The following AP4B1 variants were observed in gnomAD, a reference collection of about 807,000 sequenced individuals.
AP4B1 encodes adaptor related protein complex 4 subunit beta 1.
In AP4B1, 49 loss-of-function variants were observed where a neutral mutation model predicts 76.5. That is an observed-to-expected ratio of 0.64 (90% confidence interval 0.51 to 0.81). The LOEUF (loss-of-function observed/expected upper bound fraction) is 0.81. AP4B1 is among the 40% of genes least tolerant of loss of function. The probability of loss-of-function intolerance (pLI) is 0.00; values close to 1 mark genes in which losing one functional copy is unlikely to be tolerated. For missense variants in AP4B1, 911 were observed against 904.9 expected, an observed-to-expected ratio of 1.01 and a Z score of -0.09; for synonymous variants, 330 against 333.3, an observed-to-expected ratio of 0.99 and a Z score of 0.11.
chr1:113,897,174 C>T (rs1222849257), intron 7 of AP4B1: 1 of 150,618 alleles, frequency 6.6e-6, no homozygotes, highest in African/African-American at 2.5e-5. Context: ...TGTCTAGGTC[C>T]AACACCCCTG....
At chr1:113,901,695 C>A in intron 3 of AP4B1, 60 bp downstream of exon 3, 1 of 1,607,684 alleles carries the variant, frequency 6.2e-7, no homozygotes, top group Non-Finnish European at 8.5e-7. Flanking sequence ...GCCACACAAT[C>A]TTTTTTAAAG....
At chr1:113,898,148 G>A (rs771267687) in intron 6 of AP4B1, 92 of 492,530 alleles carry the variant, frequency 1.9e-4, no homozygotes, top group Non-Finnish European at 2.3e-4. Context: ...AGATTGACAT[G>A]AGGATAAATG....
intron 1 of AP4B1, among the ~76,000 whole-genome samples, chr1:113,903,702 T>C (rs1047933171): frequency 5.9e-5 from 9 of 152,152 alleles, no homozygotes; most frequent in South Asian, 2.1e-4. Flanking sequence ...ATGAGGTAAG[T>C]AGACATGAGC....
Position 113,900,609 on chromosome 1 carries a change from C to T in AP4B1, c.618-209G>A, listed in dbSNP as rs555728573. ...CCAAGATGAGTTGTTAATACAAATG[C>T]ACACTCCTCTAAGACCAAAGACATG... On this transcript the variant is annotated intron_variant, in intron 4 of 9. Coordinates refer to ENST00000369569, the MANE Select transcript of AP4B1 (RefSeq NM_001253852.3). 6.5e-6 allele frequency: 4 copies of T among 619,540 alleles called. No individual in the cohort carries two copies. The South Asian group carries it at 8.0e-5, about 12-fold the overall frequency. 38.4% of individuals were successfully genotyped at this position (619,540 alleles called of 1,614,324 possible).
chr1:113,897,313 G>A (rs1411962599), intron 7 of AP4B1: 2 of 168,838 alleles, frequency 1.2e-5, no homozygotes, highest in Non-Finnish European at 2.6e-5. Flanking sequence ...CAAGAGAAGC[G>A]GGGCACAGTG....
Position 113,894,959 on chromosome 1 carries a change from T to C in AP4B1, c.*106A>G, listed in dbSNP as rs373927491. The C allele has an allele frequency of 8.1e-7, 1 of 1,236,480 alleles. No individual in the cohort carries two copies. The highest frequency in any genetic ancestry group is 1.5e-5 in the African/African-American group (1 of 65,480). The allele number at this position is 1,236,480 out of a possible 1,614,324, so 76.6% of individuals were successfully genotyped here. On this transcript the variant is annotated 3_prime_UTR_variant, in exon 10 of 10. Transcript: ENST00000369569. ...GAATCCTGATTTCTAGATTTTCCAC[T>C]CTCCTTTGTATCTGATATTATCTGG...
Position 113,896,249 on chromosome 1 carries a change from A to G in AP4B1, c.1510+9T>C, listed in dbSNP as rs1446788358. ...CATGGCAAATACTATTTCCTTCTGA[A>G]AAACCCACCTATGCAGTAATACAAC... On this transcript the variant is annotated intron_variant, in intron 8 of 9. Transcript: ENST00000369569. The G allele has an allele frequency of 9.9e-6, 16 of 1,614,054 alleles. No homozygotes were observed. The highest frequency in any genetic ancestry group is 4.0e-5 in the African/African-American group (3 of 74,940).
Position 113,895,086 on chromosome 1 carries a change from T to C in AP4B1, c.2199A>G (p.Thr733=). 6.2e-7 allele frequency: 1 copy of C among 1,613,944 alleles called. No individual in the cohort carries two copies. Among genetic ancestry groups the C allele is most frequent in the East Asian group, 2.2e-5 (1 of 44,890 alleles). The part of the protein sequence containing the change: ...FISVLETVIG[T]IEEIKS ...TCTGTTATGATTTTATTTCTTCAATTGTTCCAATCACAGTTTCTAATACAG... is the reference window on the plus strand; with the variant it reads ...TCTGTTATGATTTTATTTCTTCAATCGTTCCAATCACAGTTTCTAATACAG... Residue 733 remains threonine, a synonymous_variant, in exon 10 of 10, where the codon ACA becomes ACG. Transcript: ENST00000369569.
At chr1:113,899,406 C>T (rs760082085) in intron 5 of AP4B1, 28 of 955,710 alleles carry the variant, frequency 2.9e-5, no homozygotes, top group Non-Finnish European at 3.6e-5. Flanking sequence ...CAATACATAG[C>T]CCATAGCAGA....
At chr1:113,896,217 T>C (rs767103833) in intron 8 of AP4B1, 41 bp downstream of exon 8, 2 of 1,611,440 alleles carry the variant, frequency 1.2e-6, no homozygotes, top group Non-Finnish European at 1.7e-6. Context: ...GAATTTTTAC[T>C]ATGGGTCATG....
At chr1:113,901,058 G>T (rs1668184316) in intron 4 of AP4B1, 178 bp downstream of exon 4, 2 of 856,644 alleles carry the variant, frequency 2.3e-6, no homozygotes, top group Non-Finnish European at 3.6e-6. Context: ...GGTAAGCCGA[G>T]ATAGCGCCAT....
chr1:113,897,096 T>C (rs1402826230), intron 7 of AP4B1: 1 of 142,308 alleles, frequency 7.0e-6, no homozygotes, highest in Non-Finnish European at 1.4e-5. Flanking sequence ...TGAGCTAAGA[T>C]GGCATTACTG....
At position 113,899,207 on chromosome 1, in the gene AP4B1, C is replaced by A. The variant is rs185641630; in HGVS notation, c.1115-406G>T. 7 of 1,032,586 alleles carry A rather than the reference C, an allele frequency of 6.8e-6. No homozygotes were observed. The African/African-American group carries it at 1.2e-4, about 18-fold the overall frequency. The allele number at this position is 1,032,586 out of a possible 1,614,324, so 64.0% of individuals were successfully genotyped here. A position where few individuals can be genotyped will look rare whatever the true frequency, so the allele number is the denominator to read the frequency against. ...TCTCCTCTTTGCTCCCTCTTCTCTG[C>A]CCCTAAAATAACCATGCTTTATTCC... On this transcript the variant is annotated intron_variant, in intron 5 of 9. Coordinates refer to ENST00000369569, the MANE Select transcript of AP4B1 (RefSeq NM_001253852.3).
chr1:113,896,199 G>T (rs763410038), intron 8 of AP4B1, 59 bp downstream of exon 8: 3 of 1,605,442 alleles, frequency 1.9e-6, no homozygotes, highest in Admixed American at 1.7e-5. Context: ...AACAATGAAA[G>T]CTATTAAGAA....
In AP4B1 at chr1:113,895,004, A is replaced by G; in HGVS notation, c.*61T>C. On this transcript the variant is annotated 3_prime_UTR_variant, in exon 10 of 10. Coordinates refer to ENST00000369569, the MANE Select transcript of AP4B1 (RefSeq NM_001253852.3). The stretch of plus-strand genomic sequence containing the variant: ...ATCTGGACTTACTGGCAGCTCTAAT[A>G]GGAAAGACTAAGAAAGTGTAATAGT... 2.0e-6 allele frequency: 3 copies of G among 1,533,354 alleles called. No homozygotes were observed. Among genetic ancestry groups the G allele is most frequent in the African/African-American group, 2.7e-5 (2 of 72,772 alleles). The allele number at this position is 1,533,354 out of a possible 1,614,324, so 95.0% of individuals were successfully genotyped here.
At chr1:113,903,532 T>C (rs988044748) in intron 1 of AP4B1, among the ~76,000 whole-genome samples, 3 of 152,212 alleles carry the variant, frequency 2.0e-5, no homozygotes, top group African/African-American at 7.2e-5. Context: ...GTATGATAGA[T>C]AAGTACTTAA....
intron 7 of AP4B1, chr1:113,897,372 C>G (rs574944834): frequency 1.8e-4 from 36 of 202,500 alleles, no homozygotes; most frequent in Non-Finnish European, 3.5e-4. Context: ...TGGGTGATCA[C>G]TTGAGGCTAG....
chr1:113,904,950 G>A (rs1048679777), upstream of AP4B1: 5 of 506,204 alleles, frequency 9.9e-6, no homozygotes, highest in South Asian at 6.0e-5. Flanking sequence ...ACCGTCGGCC[G>A]GCAGGCCGTT....
Position 113,895,762 on chromosome 1 carries a change from G to A in AP4B1, c.1787C>T (p.Ala596Val). ...PELPKTSSFAASGPLIPEENK... is the reference protein window; with the variant it reads ...PELPKTSSFAVSGPLIPEENK... ...AAGGTAAGGACTGTTTTTACCTGATGCGGCAAAGGATGAAGTTTTAGGAAG... is the reference window on the plus strand; with the variant it reads ...AAGGTAAGGACTGTTTTTACCTGATACGGCAAAGGATGAAGTTTTAGGAAG... The change falls in exon 9 of 10, where the codon GCA (alanine) becomes GTA (valine). Residue 596 changes from alanine to valine, a missense_variant. By Grantham distance (64) the Ala-to-Val change is moderately conservative (BLOSUM62 0). Coordinates refer to ENST00000369569, the MANE Select transcript of AP4B1 (RefSeq NM_001253852.3). The A allele has an allele frequency of 6.2e-7, 1 of 1,614,186 alleles. No homozygotes were observed. The highest frequency in any genetic ancestry group is 8.5e-7 in the Non-Finnish European group (1 of 1,180,040).
Sources: gnomAD v4.1 joint callset for allele counts (sites outside exome capture counted in the v4.1 genomes callset) on GRCh38, gnomAD v4.1.1 for gene constraint, MANE v1.5 for transcripts, NCBI Gene and HGNC (gene_info 2026-07-23, HGNC 2026-07-21) for gene names.